The following ZZEF1 variants were observed in gnomAD, a reference collection of about 807,000 sequenced individuals.
ZZEF1 encodes the protein zinc finger ZZ-type and EF-hand domain containing 1, also known as zinc finger ZZ-type and EF-hand domain-containing protein 1.
In ZZEF1, 157 loss-of-function variants were observed where a neutral mutation model predicts 342.8. The ratio of observed to expected loss-of-function variants is 0.46; its 90% CI spans 0.40 to 0.52. ZZEF1 has a LOEUF of 0.52. ZZEF1 is among the 20% of genes least tolerant of loss of function. ZZEF1 has a pLI of 0.00. For missense variants in ZZEF1, 3,480 were observed against 3,725.6 expected (o/e 0.93, Z 1.72); for synonymous variants, 1,505 against 1,429.1 (o/e 1.05, Z -1.20).
At chr17:4,135,447 C>G (rs1300401122) in intron 1 of ZZEF1, among the ~76,000 whole-genome samples, 3 of 149,890 alleles carry the variant, frequency 2.0e-5, no homozygotes, top group African/African-American at 7.3e-5. Context: ...GCACTGCAGC[C>G]TGGGCAACAG....
rs750739984 is a variant in ZZEF1, at chr17:4,034,108, T to C, written c.6491A>G (p.His2164Arg). The stretch of plus-strand genomic sequence containing the variant: ...ACTGTCCCCTGCAGCAAACAGGTTG[T>C]GTTTGGCTGAGAGGACTTTGATCAC... ...AAVIKVLSAK[H>R]NLFAAGDSSI... Residue 2164 changes from histidine (H) to arginine (R), a missense_variant, in exon 40 of 55, where the codon CAC (histidine) becomes CGC (arginine). This residue lies in a region of ZZEF1 where 1,269 missense variants were observed against 1,342.4 expected (regional missense o/e 0.95). Coordinates refer to ENST00000381638, the MANE Select transcript of ZZEF1 (RefSeq NM_015113.4). The C allele has an allele frequency of 3.1e-6, 5 of 1,614,078 alleles. No individual in the cohort carries two copies. In the South Asian group the frequency reaches 4.4e-5, roughly 14 times the overall value.
intron 23 of ZZEF1, among the ~76,000 whole-genome samples, 184 bp downstream of exon 23, chr17:4,074,913 A>C (rs1391983062): frequency 6.6e-6 from 1 of 152,268 alleles, no homozygotes; most frequent in Non-Finnish European, 1.5e-5. Context: ...TGTTCCAAAA[A>C]AATTTGTTTA....
At chr17:4,076,491 T>G (rs2057623635) in intron 21 of ZZEF1, 146 bp downstream of exon 21, 1 of 1,078,390 alleles carries the variant, frequency 9.3e-7, no homozygotes, top group Non-Finnish European at 1.3e-6. Flanking sequence ...CATTCACCCT[T>G]GTTGGCAAGC....
In ZZEF1 at chr17:4,067,173, C is replaced by T. The variant is rs185816066; in HGVS notation, c.4145G>A (p.Arg1382Gln). 193 of 1,612,740 alleles carry T rather than the reference C, an allele frequency of 1.2e-4. No homozygotes were observed. The highest frequency in any genetic ancestry group is 3.2e-4 in the Admixed American group (19 of 59,760). The stretch of plus-strand genomic sequence containing the variant: ...CAAAGAAAATCTTACCATCCATATT[C>T]GAATCCCATCTGCCAAGGAATAAAC... ...AQVYSLADGI[R>Q]IWMLEMKQKS... is the part of the protein sequence containing the mutation. The change falls in exon 27 of 55, where the codon CGA becomes CAA. Residue 1382 changes from arginine to glutamine, a missense_variant. Physicochemically the swap from Arg to Gln is conservative, Grantham distance 43. This residue lies in a region of ZZEF1 where 1,528 missense variants were observed against 1,624.1 expected (regional missense o/e 0.94). Coordinates refer to ENST00000381638, the MANE Select transcript of ZZEF1 (RefSeq NM_015113.4).
Position 4,064,764 on chromosome 17 carries a change from C to G in ZZEF1, c.4315G>C (p.Glu1439Gln), listed in dbSNP as rs371333476. 4 of 1,610,734 alleles carry G rather than the reference C, an allele frequency of 2.5e-6. No individual in the cohort carries two copies. The African/African-American group carries it at 5.4e-5, about 22-fold the overall frequency. ...KFLPTGISSK[E>Q]SCEKLETADE... ...GCAGTCTCCAACTTTTCGCAGCTTT[C>G]TTTTGAACTTATGCCCGTGGGCAGA... Residue 1439 changes from glutamate (E) to glutamine (Q), a missense_variant, in exon 29 of 55, where the codon GAA becomes CAA. By Grantham distance (29) the Glu-to-Gln change is conservative (BLOSUM62 2). Around this residue, in one of 5 missense-constraint regions of ZZEF1, gnomAD observed 1,528 missense variants for 1,624.1 expected, o/e 0.94. Coordinates refer to ENST00000381638, the MANE Select transcript of ZZEF1 (RefSeq NM_015113.4).
At chr17:4,074,448 A>T (rs1316382401) in intron 23 of ZZEF1, 97 bp from the exon 24 acceptor site, 1 of 1,253,194 alleles carries the variant, frequency 8.0e-7, no homozygotes, top group African/African-American at 1.5e-5. Context: ...TCAGTTTAAA[A>T]TTGATCTCTA....
intron 1 of ZZEF1, among the ~76,000 whole-genome samples, chr17:4,136,620 G>A (rs765150117): frequency 6.6e-6 from 1 of 152,032 alleles, no homozygotes; most frequent in African/African-American, 2.4e-5. Flanking sequence ...CTCATAACAC[G>A]GCAAACCCGC....
In ZZEF1 at chr17:4,072,670, C is replaced by T. The variant is rs2057532876; in HGVS notation, c.3772G>A (p.Val1258Ile). The change falls in exon 25 of 55, where the codon GTT becomes ATT. Residue 1258 changes from valine to isoleucine, a missense_variant. Around this residue, in one of 5 missense-constraint regions of ZZEF1, gnomAD observed 1,528 missense variants for 1,624.1 expected, o/e 0.94. Coordinates refer to ENST00000381638, the MANE Select transcript of ZZEF1 (RefSeq NM_015113.4). ...GCTTCTAATTCCAACTCTGGACAAA[C>T]CTGATGCCTGAAGACAGGTTTCCAC... The part of the protein sequence containing the change: ...PLWKPVFRHQ[V>I]CPELELEASW... 1 of 1,613,936 alleles carries T rather than the reference C, an allele frequency of 6.2e-7. No homozygotes were observed. The highest frequency in any genetic ancestry group is 1.3e-5 in the African/African-American group (1 of 74,894).
chr17:4,009,906 A>C, intron 52 of ZZEF1, 149 bp from the exon 53 acceptor site: 1 of 871,182 alleles, frequency 1.1e-6, no homozygotes, highest in Non-Finnish European at 1.7e-6. Flanking sequence ...GCTCCCCACA[A>C]AGCAGCCACG....
At position 4,017,393 on chromosome 17, in the gene ZZEF1, T is replaced by G; in HGVS notation, c.7979A>C (p.Glu2660Ala). 2.5e-6 allele frequency: 4 copies of G among 1,600,308 alleles called. No individual in the cohort carries two copies. The highest frequency in any genetic ancestry group is 3.4e-6 in the Non-Finnish European group (4 of 1,169,418). Residue 2660 changes from glutamate to alanine, a missense_variant, in exon 48 of 55, where the codon GAA becomes GCA. Transcript: ENST00000381638. This position sits in a 1 kb window ranked among gnomAD's most constrained non-coding sequence, Gnocchi z 5.1. ...TACCTTCTCCCACTCATGCTTTTCT[T>G]CCAGCTGCATGAACATATCCAAAAT... Reference protein sequence around the residue: ...TYILDMFMQLEEKHEWEKILQ... With the variant: ...TYILDMFMQLAEKHEWEKILQ...
In ZZEF1 at chr17:4,142,992, G is replaced by T. The variant is rs549467104; in HGVS notation, c.-97C>A. On this transcript the variant is annotated 5_prime_UTR_variant, in exon 1 of 55. Coordinates refer to ENST00000381638, the MANE Select transcript of ZZEF1 (RefSeq NM_015113.4). ...GACAGCAGCTGGCGGGCGGGGACGC[G>T]GAGGAGACGACGGCGGCCCCTGCGG... 1.4e-4 allele frequency: 183 copies of T among 1,270,656 alleles called. 1 individual carries two copies. In the African/African-American group the frequency reaches 2.7e-3, roughly 18 times the overall value. 78.7% of individuals were successfully genotyped at this position (1,270,656 alleles called of 1,614,324 possible). A position where few individuals can be genotyped will look rare whatever the true frequency, so the allele number is the denominator to read the frequency against.
chr17:4,087,160 G>A (rs913153443), intron 14 of ZZEF1, among the ~76,000 whole-genome samples: 15 of 152,144 alleles, frequency 9.9e-5, no homozygotes, highest in East Asian at 1.9e-4. Context: ...GATTACAGGC[G>A]TGAGCCACCG....
chr17:4,025,497 G>C (rs1382740598), intron 42 of ZZEF1, among the ~76,000 whole-genome samples: 1 of 152,114 alleles, frequency 6.6e-6, no homozygotes, highest in African/African-American at 2.4e-5. Flanking sequence ...GGCTAGCTTG[G>C]TCAACATGGC....
chr17:4,093,471 G>T (rs1323576387), intron 11 of ZZEF1, among the ~76,000 whole-genome samples: 2 of 152,210 alleles, frequency 1.3e-5, no homozygotes, highest in Admixed American at 1.3e-4. Context: ...TAGAGAGGCT[G>T]ACCGAACCTT....
chr17:4,032,743 T>C (rs2056575802), intron 41 of ZZEF1, 85 bp downstream of exon 41: 1 of 1,430,058 alleles, frequency 7.0e-7, no homozygotes, highest in Non-Finnish European at 9.7e-7. Flanking sequence ...TCTATGCCTA[T>C]ATATCCGGAA....
At chr17:4,130,377 C>A (rs945975192) in intron 1 of ZZEF1, among the ~76,000 whole-genome samples, 29 of 152,118 alleles carry the variant, frequency 1.9e-4, no homozygotes, top group Non-Finnish European at 3.8e-4. Flanking sequence ...CGCTTGAACC[C>A]AGGAGGTGGA....
At chr17:4,099,289 A>G (rs1233912161) in intron 9 of ZZEF1, among the ~76,000 whole-genome samples, 1 of 152,170 alleles carries the variant, frequency 6.6e-6, no homozygotes, top group Non-Finnish European at 1.5e-5. Flanking sequence ...CAGTGGTACA[A>G]TCATAACTCA....
chr17:4,014,563 C>T lies in ZZEF1; in HGVS notation c.8146-48G>A, dbSNP rs777005587. ...ACATCTGTCGATGCTGCTCACTAGA[C>T]ACTGACTGCAGCTGTCCCATGCCGA... On this transcript the variant is annotated intron_variant, in intron 49 of 54. Transcript: ENST00000381638. The surrounding 1 kb of genome is among the most constrained non-coding windows in gnomAD (Gnocchi z 4.4). 1.9e-6 allele frequency: 3 copies of T among 1,594,486 alleles called. No individual in the cohort carries two copies. Among genetic ancestry groups the T allele is most frequent in the Admixed American group, 3.3e-5 (2 of 59,824 alleles).
At chr17:4,108,607 T>C (rs1597903640) in intron 6 of ZZEF1, among the ~76,000 whole-genome samples, 1 of 152,164 alleles carries the variant, frequency 6.6e-6, no homozygotes, top group East Asian at 1.9e-4. Flanking sequence ...CCAATGTGGA[T>C]TTCCTGATTT....
Sources: gnomAD v4.1 joint callset for allele counts (sites outside exome capture counted in the v4.1 genomes callset) on GRCh38, gnomAD v4.1.1 for gene constraint, gnomAD v4.1.1 regional missense constraint, Gnocchi (gnomAD v3.1) non-coding constraint, MANE v1.5 for transcripts, NCBI Gene and HGNC (gene_info 2026-07-23, HGNC 2026-07-21) for gene names.